The following PDE7B variants were observed in gnomAD, a reference collection of about 807,000 sequenced individuals.
The protein encoded by PDE7B is 3',5'-cyclic-AMP phosphodiesterase 7B.
Under a neutral mutation model 56.2 loss-of-function variants are expected in PDE7B, and 29 were observed. That is an observed-to-expected ratio of 0.52 (90% CI 0.38 to 0.70). The LOEUF is 0.70. Ranked by LOEUF, PDE7B falls within the 30% of genes least tolerant of loss-of-function variation. The probability of loss-of-function intolerance (pLI) is 0.00; values close to 1 mark genes in which losing one functional copy is unlikely to be tolerated. For missense variants in PDE7B, 490 were observed against 565.0 expected (o/e 0.87, Z 1.35); for synonymous variants, 197 against 196.9 (o/e 1.00, Z 0.00).
chr6:135,912,110 G>A (rs1424817722), intron 1 of PDE7B, among the ~76,000 whole-genome samples: 7 of 152,018 alleles, frequency 4.6e-5, no homozygotes, highest in Non-Finnish European at 1.5e-5. Flanking sequence ...CCACACACAC[G>A]TTAACACATG....
intron 1 of PDE7B, among the ~76,000 whole-genome samples, chr6:135,895,162 G>A (rs1489829390): frequency 6.6e-6 from 1 of 151,892 alleles, no homozygotes; most frequent in Admixed American, 6.6e-5. Flanking sequence ...CAACTTTTTT[G>A]AGATGTACAT....
At chr6:135,990,989 C>A (rs911536302) in intron 2 of PDE7B, among the ~76,000 whole-genome samples, 2 of 152,160 alleles carry the variant, frequency 1.3e-5, no homozygotes, top group African/African-American at 4.8e-5. Context: ...AAGGGGTGGG[C>A]AATTCCTGGA....
At chr6:135,970,667 T>C (rs551643854) in intron 2 of PDE7B, among the ~76,000 whole-genome samples, 2 of 152,170 alleles carry the variant, frequency 1.3e-5, no homozygotes. Flanking sequence ...ATATGTGCAG[T>C]GTTCTGAACA....
intron 1 of PDE7B, among the ~76,000 whole-genome samples, chr6:135,932,812 C>T (rs1774317409): frequency 6.6e-6 from 1 of 152,178 alleles, no homozygotes; most frequent in Non-Finnish European, 1.5e-5. Flanking sequence ...GATTTGGAGA[C>T]ATGAGCTTGT....
chr6:135,998,346 G>T (rs188187895), intron 2 of PDE7B, among the ~76,000 whole-genome samples: 2 of 152,266 alleles, frequency 1.3e-5, no homozygotes, highest in East Asian at 3.9e-4. Flanking sequence ...TGTCGACTAA[G>T]TAGAAACATA....
rs1440037486 is a variant in PDE7B, at chr6:136,008,099, T to C, written c.82+60575T>C. Reference sequence around the variant, plus strand: ...ACGTGCAGTGTTTGGTTTTTTGTCGTTGCAATAGTTTGCTGAGAATGATGG... The same window carrying C: ...ACGTGCAGTGTTTGGTTTTTTGTCGCTGCAATAGTTTGCTGAGAATGATGG... On this transcript the variant is annotated intron_variant, in intron 2 of 12. Transcript: ENST00000308191. Among the ~76,000 whole-genome samples, 6 of 152,108 alleles carry C rather than the reference T, an allele frequency of 3.9e-5. No homozygotes were observed. In the East Asian group the frequency reaches 1.2e-3, roughly 29 times the overall value.
chr6:136,146,657 T>TA (rs1778417508), intron 3 of PDE7B, among the ~76,000 whole-genome samples: 1 of 152,162 alleles, frequency 6.6e-6, no homozygotes, highest in Non-Finnish European at 1.5e-5. Context: ...ATCATACAAG[T>TA]AACAGTGTGG....
chr6:135,917,749 C>T (rs1396942876), intron 1 of PDE7B, among the ~76,000 whole-genome samples: 7 of 152,032 alleles, frequency 4.6e-5, no homozygotes, highest in African/African-American at 1.7e-4. Context: ...TGGATTTTGC[C>T]CTGGTAGGAA....
chr6:136,183,364 C>A (rs1000214301), intron 11 of PDE7B, among the ~76,000 whole-genome samples: 5 of 151,902 alleles, frequency 3.3e-5, no homozygotes, highest in Non-Finnish European at 5.9e-5. Context: ...GAGGCCAAGG[C>A]GGGCGGATCA....
chr6:135,940,308 G>T (rs997890134), intron 1 of PDE7B, among the ~76,000 whole-genome samples: 2 of 152,304 alleles, frequency 1.3e-5, no homozygotes, highest in East Asian at 3.9e-4. Context: ...ACCCCAGTCA[G>T]GGGTGGGTAC....
chr6:135,861,417 T>C (rs1775143396), intron 1 of PDE7B, among the ~76,000 whole-genome samples: 2 of 151,566 alleles, frequency 1.3e-5, no homozygotes, highest in South Asian at 2.1e-4. Context: ...TTACTAATGG[T>C]CTGAGCACCT....
chr6:135,937,473 G>C (rs1318962094), intron 1 of PDE7B, among the ~76,000 whole-genome samples: 2 of 151,974 alleles, frequency 1.3e-5, no homozygotes. Flanking sequence ...ATTGCCTTTA[G>C]AGTTTTGCAT....
chr6:135,928,475 A>ATTTATT (rs1348054217), intron 1 of PDE7B, among the ~76,000 whole-genome samples: 54 of 106,162 alleles, frequency 5.1e-4, no homozygotes, highest in African/African-American at 1.7e-3. Flanking sequence ...TTATTTATAT[A>ATTTATT]TATATATTTA....
intron 3 of PDE7B, among the ~76,000 whole-genome samples, chr6:136,124,727 G>A (rs559677954): frequency 1.3e-5 from 2 of 152,174 alleles, no homozygotes; most frequent in South Asian, 2.1e-4. Context: ...GCAGGATCTT[G>A]ACAGATATTT....
intron 1 of PDE7B, 97 bp downstream of exon 1, chr6:135,852,116 A>G (rs1774951729): frequency 2.3e-6 from 2 of 852,906 alleles, no homozygotes; most frequent in East Asian, 4.8e-5. Flanking sequence ...ACCTGTACAT[A>G]TATATGTTTT....
At chr6:136,150,992 G>T (rs781186596) in intron 5 of PDE7B, among the ~76,000 whole-genome samples, 168 bp from the exon 6 acceptor site, 6 of 152,070 alleles carry the variant, frequency 3.9e-5, no homozygotes, top group Non-Finnish European at 7.4e-5. Context: ...AAAAACCTAG[G>T]ATCAGATCAT....
rs182901305 is a variant in PDE7B at position 136,176,058 on chromosome 6, T to C, written c.803+2170T>C. ...CCTTTACTTACAACCAAGATTGAAA[T>C]TTTTCGTATATTTGCTGATCATTGC... On this transcript the variant is annotated intron_variant, in intron 9 of 12. Transcript: ENST00000308191. Among the ~76,000 whole-genome samples the C allele has an allele frequency of 2.0e-3, 301 of 152,216 alleles. 1 individual carries two copies. The highest frequency in any genetic ancestry group is 6.8e-3 in the African/African-American group (281 of 41,578).
rs879578428 is a variant in PDE7B, at chr6:135,948,951, G to GA, written c.82+1435dup. 1.7e-3 allele frequency among the ~76,000 whole-genome samples: 254 copies of GA among 151,562 alleles called. No homozygotes were observed. In the Middle Eastern group the frequency reaches 0.037, roughly 22 times the overall value. On this transcript the variant is annotated intron_variant, in intron 2 of 12. Coordinates refer to ENST00000308191, the MANE Select transcript of PDE7B (RefSeq NM_018945.4). ...GACAAAACAGGTACAGATGGAAGCAGAAAAAAAATCCTTTGTTAAGCCATG... is the reference window on the plus strand; with the variant it reads ...GACAAAACAGGTACAGATGGAAGCAGAAAAAAAAATCCTTTGTTAAGCCATG...
At chr6:136,044,613 GCT>G (rs1776470300) in intron 2 of PDE7B, 1 of 152,126 alleles carries the variant, frequency 6.6e-6, no homozygotes, top group East Asian at 1.9e-4. Flanking sequence ...ATATGAGACA[GCT>G]CTCTCTTCCT....
Sources: allele counts gnomAD v4.1 joint callset (sites outside exome capture counted in the v4.1 genomes callset), GRCh38; gene constraint gnomAD v4.1.1; transcripts MANE v1.5; gene names NCBI Gene and HGNC (gene_info 2026-07-23, HGNC 2026-07-21).